Variants in RAB2A observed in about 807,000 individuals in gnomAD.
RAB2A encodes ras-related protein Rab-2A.
A neutral mutation model predicts 32.5 loss-of-function variants in RAB2A; 7 were observed. That is an observed-to-expected ratio of 0.22 (90% CI 0.12 to 0.40). The LOEUF (loss-of-function observed/expected upper bound fraction) is 0.40. RAB2A is among the 10% of genes least tolerant of loss of function. RAB2A has a pLI of 1.00. For synonymous variants in RAB2A, 79 were observed against 85.2 expected, an observed-to-expected ratio of 0.93 and a Z score of 0.40; for missense variants, 108 against 260.7, an observed-to-expected ratio of 0.41 and a Z score of 4.03.
At chr8:60,583,939 C>A in intron 3 of RAB2A, 2 of 278,566 alleles carry the variant, frequency 7.2e-6, no homozygotes, top group East Asian at 6.5e-5. Context: ...ATTGGGTTGT[C>A]AGGGATTGCC....
intron 3 of RAB2A, among the ~76,000 whole-genome samples, chr8:60,581,980 C>T (rs1306692719): frequency 7.1e-6 from 1 of 141,190 alleles, no homozygotes; most frequent in African/African-American, 2.7e-5. Flanking sequence ...AGGGCCTCAT[C>T]TGTTGCCCAG....
At chr8:60,520,871 G>A (rs1336779964) in intron 1 of RAB2A, among the ~76,000 whole-genome samples, 1 of 152,190 alleles carries the variant, frequency 6.6e-6, no homozygotes, top group Non-Finnish European at 1.5e-5. Context: ...GGAGTGCAGT[G>A]GCACTATCAC....
intron 6 of RAB2A, among the ~76,000 whole-genome samples, chr8:60,596,528 A>G (rs1804031554): frequency 6.6e-6 from 1 of 152,264 alleles, no homozygotes; most frequent in Non-Finnish European, 1.5e-5. Context: ...TTATGCGGCC[A>G]ACAAACATAT....
At chr8:60,551,733 A>G (rs1220271156) in intron 1 of RAB2A, among the ~76,000 whole-genome samples, 4 of 152,014 alleles carry the variant, frequency 2.6e-5, no homozygotes, top group Non-Finnish European at 5.9e-5. Context: ...CTTGCTTGTC[A>G]CTCAGGCTCG....
At chr8:60,559,428 T>C (rs532222917) in intron 2 of RAB2A, 1 of 152,784 alleles carries the variant, frequency 6.5e-6, no homozygotes, top group Non-Finnish European at 1.5e-5. Context: ...CTCATAATTA[T>C]TAACTGAGAA....
chr8:60,538,754 T>C (rs1185745256), intron 1 of RAB2A, among the ~76,000 whole-genome samples: 1 of 152,124 alleles, frequency 6.6e-6, no homozygotes, highest in Non-Finnish European at 1.5e-5. Flanking sequence ...GGGTGCTGAG[T>C]GCTGATGAAG....
At chr8:60,620,090 T>G (rs191634793) in intron 7 of RAB2A, among the ~76,000 whole-genome samples, 1 of 152,264 alleles carries the variant, frequency 6.6e-6, no homozygotes, top group African/African-American at 2.4e-5. Flanking sequence ...ACTGTATTAC[T>G]TTTCTCAAAG....
At chr8:60,584,836 C>T (rs1803822190) in intron 5 of RAB2A, 21 bp downstream of exon 5, 1 of 1,538,152 alleles carries the variant, frequency 6.5e-7, no homozygotes, top group Non-Finnish European at 9.0e-7. Flanking sequence ...TAATTTAGAG[C>T]TTACATTGCA....
intron 6 of RAB2A, among the ~76,000 whole-genome samples, chr8:60,609,360 A>C (rs1804295004): frequency 6.6e-6 from 1 of 152,076 alleles, no homozygotes; most frequent in African/African-American, 2.4e-5. Context: ...GAATTGATAG[A>C]CTTCTTCTTC....
intron 3 of RAB2A, among the ~76,000 whole-genome samples, chr8:60,583,063 G>T (rs1323891586): frequency 2.0e-5 from 3 of 152,002 alleles, no homozygotes; most frequent in Non-Finnish European, 4.4e-5. Context: ...GAGGGAGGGA[G>T]TATAGAGGAA....
chr8:60,606,689 C>T (rs1039981235), intron 6 of RAB2A, among the ~76,000 whole-genome samples: 3 of 152,208 alleles, frequency 2.0e-5, no homozygotes, highest in Non-Finnish European at 2.9e-5. Flanking sequence ...ATTGTATACA[C>T]AAGTAATACT....
intron 3 of RAB2A, among the ~76,000 whole-genome samples, chr8:60,583,723 GT>G (rs1803801697): frequency 6.6e-6 from 1 of 152,200 alleles, no homozygotes; most frequent in Admixed American, 6.5e-5. Context: ...CCAGCAGATG[GT>G]GGGCGTAAAG....
chr8:60,533,064 T>G (rs1295833187), intron 1 of RAB2A, among the ~76,000 whole-genome samples: 1 of 152,200 alleles, frequency 6.6e-6, no homozygotes, highest in East Asian at 1.9e-4. Flanking sequence ...AAAATGAAGT[T>G]AAAACCCAGT....
At chr8:60,567,397 G>A (rs1046396071) in intron 2 of RAB2A, among the ~76,000 whole-genome samples, 2 of 151,832 alleles carry the variant, frequency 1.3e-5, no homozygotes, top group African/African-American at 2.4e-5. Flanking sequence ...TATTTCATGA[G>A]GCAATATCAT....
intron 1 of RAB2A, among the ~76,000 whole-genome samples, chr8:60,519,494 T>C (rs1807268350): frequency 6.6e-6 from 1 of 152,206 alleles, no homozygotes; most frequent in African/African-American, 2.4e-5. Flanking sequence ...CGTAATGCCT[T>C]CACAGTCAAC....
chr8:60,551,184 C>G (rs1807842221), intron 1 of RAB2A, among the ~76,000 whole-genome samples: 1 of 152,188 alleles, frequency 6.6e-6, no homozygotes, highest in Admixed American at 6.5e-5. Flanking sequence ...ATTTAACACC[C>G]TGCAACTGAT....
rs548105352 is a variant in RAB2A at position 60,541,392 on chromosome 8, G to A, written c.47-17460G>A. Among the ~76,000 whole-genome samples the A allele has an allele frequency of 5.3e-5, 8 of 152,246 alleles. No individual in the cohort carries two copies. In the South Asian group the frequency reaches 1.4e-3, roughly 28 times the overall value. On this transcript the variant is annotated intron_variant, in intron 1 of 7. Transcript: ENST00000262646. ...CTAAGGGAAAAAATTAGAACTTTAA[G>A]GGAGTTAAAGGTAAAGAGATTTTAT...
At chr8:60,527,534 A>G (rs919381423) in intron 1 of RAB2A, among the ~76,000 whole-genome samples, 11 of 152,108 alleles carry the variant, frequency 7.2e-5, no homozygotes, top group Non-Finnish European at 1.3e-4. Context: ...AAACAACCAG[A>G]TTGGCCACTC....
At chr8:60,573,386 C>T (rs993604907) in intron 3 of RAB2A, among the ~76,000 whole-genome samples, 5 of 152,150 alleles carry the variant, frequency 3.3e-5, no homozygotes, top group African/African-American at 7.2e-5. Flanking sequence ...AGAGAACATC[C>T]GGTCTCACAG....
Sources: allele counts gnomAD v4.1 joint callset (sites outside exome capture counted in the v4.1 genomes callset), GRCh38; gene constraint gnomAD v4.1.1; transcripts MANE v1.5; gene names NCBI Gene and HGNC (gene_info 2026-07-23, HGNC 2026-07-21).